The following CNTN6 variants were observed in gnomAD, a reference collection of about 807,000 sequenced individuals.
CNTN6 encodes the protein contactin-6.
Under a neutral mutation model 122.8 loss-of-function variants are expected in CNTN6, and 137 were observed. That is an observed-to-expected ratio of 1.12 (90% CI 0.97 to 1.29). CNTN6 has a LOEUF of 1.29. Among genes scored for constraint, CNTN6 ranks in the 50% most tolerant of loss-of-function variants. The probability of loss-of-function intolerance (pLI) is 0.00; values close to 1 mark genes in which losing one functional copy is unlikely to be tolerated. For missense variants in CNTN6, 1,634 were observed against 1,223.4 expected, an observed-to-expected ratio of 1.34 and a Z score of -5.01; for synonymous variants, 570 against 426.0, an observed-to-expected ratio of 1.34 and a Z score of -4.16.
chr3:1,276,676 A>G (rs570935067), intron 4 of CNTN6, among the ~76,000 whole-genome samples: 2 of 152,132 alleles, frequency 1.3e-5, no homozygotes, highest in African/African-American at 4.8e-5. Context: ...CCATCATTGC[A>G]TGGCTGTCTC....
chr3:1,328,239 A>C (rs918879247), intron 10 of CNTN6, among the ~76,000 whole-genome samples: 1 of 151,868 alleles, frequency 6.6e-6, no homozygotes, highest in Non-Finnish European at 1.5e-5. Flanking sequence ...GAGGTAGAAA[A>C]ATAAGTCCCT....
At chr3:1,093,335 G>A (rs781551581) in intron 1 of CNTN6, among the ~76,000 whole-genome samples, 4 of 152,150 alleles carry the variant, frequency 2.6e-5, no homozygotes, top group Non-Finnish European at 5.9e-5. Flanking sequence ...TATTGAATCT[G>A]TATTCCGGGA....
At chr3:1,233,375 T>C (rs2094377096) in intron 4 of CNTN6, among the ~76,000 whole-genome samples, 2 of 152,122 alleles carry the variant, frequency 1.3e-5, no homozygotes, top group South Asian at 4.1e-4. Context: ...GTTTTGTATT[T>C]TACTGCTTAT....
chr3:1,152,828 C>T (rs954204381), intron 2 of CNTN6, among the ~76,000 whole-genome samples: 13 of 152,138 alleles, frequency 8.5e-5, no homozygotes, highest in Admixed American at 2.0e-4. Context: ...ATTTTATCTG[C>T]GGACTATTAG....
chr3:1,098,761 C>CAA (rs1447803616), intron 1 of CNTN6, among the ~76,000 whole-genome samples: 2 of 54,394 alleles, frequency 3.7e-5, no homozygotes, highest in Non-Finnish European at 5.9e-5. Flanking sequence ...GTAATGCACA[C>CAA]ACACACACAC....
At position 1,348,157 on chromosome 3, in the gene CNTN6, C is replaced by CAAAAAAAAAAAAAAAAAAAAA. The variant is rs532282828; in HGVS notation, c.1365-4148_1365-4147insAAAAAAAAAAAAAAAAAAAAA. On this transcript the variant is annotated intron_variant, in intron 11 of 22. Coordinates refer to ENST00000446702, the MANE Select transcript of CNTN6 (RefSeq NM_001289080.2). ...AATATTAGTATTTCTATGCTATAGA[C>CAAAAAAAAAAAAAAAAAAAAA]AAAAAAAAAAAAAAAAAAAGGACTT... is the stretch of plus-strand genomic sequence containing the variant. 6.5e-4 allele frequency among the ~76,000 whole-genome samples: 42 copies of CAAAAAAAAAAAAAAAAAAAAA among 64,268 alleles called. 4 individuals are homozygous for CAAAAAAAAAAAAAAAAAAAAA. Among genetic ancestry groups the CAAAAAAAAAAAAAAAAAAAAA allele is most frequent in the African/African-American group, 1.1e-3 (16 of 14,588 alleles). 42.2% of individuals were successfully genotyped at this position (64,268 alleles called of 152,430 possible).
At chr3:1,373,071 A>T in intron 14 of CNTN6, 116 bp downstream of exon 14, 1 of 640,756 alleles carries the variant, frequency 1.6e-6, no homozygotes, top group East Asian at 2.8e-5. Flanking sequence ...ATGTAATCAG[A>T]TAGAGTTTTA....
chr3:1,383,664 C>T (rs150861921), intron 19 of CNTN6, among the ~76,000 whole-genome samples: 1 of 145,148 alleles, frequency 6.9e-6, no homozygotes. Flanking sequence ...AAAACAAAAA[C>T]AAAAAAAAAC....
At chr3:1,392,863 T>G (rs1471416924) in intron 20 of CNTN6, among the ~76,000 whole-genome samples, 1 of 131,982 alleles carries the variant, frequency 7.6e-6, no homozygotes, top group Non-Finnish European at 1.7e-5. Flanking sequence ...TGAGATACCA[T>G]CTCACACCAC....
chr3:1,163,674 C>T (rs1033626188), intron 2 of CNTN6, among the ~76,000 whole-genome samples: 3 of 152,186 alleles, frequency 2.0e-5, no homozygotes, highest in Admixed American at 1.3e-4. Flanking sequence ...ACCTCAGCTT[C>T]CCTAGTTGCT....
chr3:1,326,085 T>C (rs1040312895), intron 9 of CNTN6, 134 bp downstream of exon 9: 11 of 672,184 alleles, frequency 1.6e-5, no homozygotes, highest in Non-Finnish European at 2.6e-5. Flanking sequence ...ATGCATACAC[T>C]GATTTATTTA....
At chr3:1,183,887 G>T (rs138552624) in intron 2 of CNTN6, among the ~76,000 whole-genome samples, 1 of 152,120 alleles carries the variant, frequency 6.6e-6, no homozygotes, top group African/African-American at 2.4e-5. Context: ...GCGATGACTC[G>T]ACTAGGGAAG....
intron 4 of CNTN6, among the ~76,000 whole-genome samples, chr3:1,263,175 A>G (rs915019026): frequency 6.6e-6 from 1 of 151,164 alleles, no homozygotes; most frequent in African/African-American, 2.4e-5. Flanking sequence ...CACTGAGCAT[A>G]TTCAGAGAAA....
intron 12 of CNTN6, among the ~76,000 whole-genome samples, chr3:1,352,728 T>C (rs79995464): frequency 0.014 from 2,114 of 151,978 alleles, 56 homozygotes; most frequent in African/African-American, 0.048. Context: ...ACATAAGCCT[T>C]AATGTTAGGG....
chr3:1,317,781 T>C (rs1038090493), intron 7 of CNTN6, among the ~76,000 whole-genome samples: 5 of 151,368 alleles, frequency 3.3e-5, no homozygotes, highest in Admixed American at 2.0e-4. Context: ...AAGCCTCTTA[T>C]GGCAAGACCT....
At chr3:1,198,670 C>G (rs1366640210) in intron 2 of CNTN6, among the ~76,000 whole-genome samples, 2 of 150,848 alleles carry the variant, frequency 1.3e-5, no homozygotes, top group Non-Finnish European at 2.9e-5. Context: ...TGCAGTGAGC[C>G]AAGGTTGCAA....
Position 1,385,642 on chromosome 3 carries a change from C to T in CNTN6, c.2549C>T (p.Ser850Phe). The T allele has an allele frequency of 6.2e-7, 1 of 1,613,884 alleles. No homozygotes were observed. Among genetic ancestry groups the T allele is most frequent in the Non-Finnish European group, 8.5e-7 (1 of 1,179,832 alleles). Reference sequence around the variant, plus strand: ...TACTGGACAGATGACTCCAAAGAATCCATGATAGGTAAAATTAGAGTCAGT... The same window carrying T: ...TACTGGACAGATGACTCCAAAGAATTCATGATAGGTAAAATTAGAGTCAGT... The part of the protein sequence containing the change: ...VLYWTDDSKE[S>F]MIGKIRVSGN... The change falls in exon 20 of 23, where the codon TCC (serine) becomes TTC (phenylalanine). Residue 850 changes from serine (S) to phenylalanine (F), a missense_variant. By Grantham distance (155) the Ser-to-Phe change is radical. Coordinates refer to ENST00000446702, the MANE Select transcript of CNTN6 (RefSeq NM_001289080.2).
intron 4 of CNTN6, among the ~76,000 whole-genome samples, chr3:1,254,890 GTC>G (rs1309374679): frequency 6.6e-6 from 1 of 151,992 alleles, no homozygotes; most frequent in Non-Finnish European, 1.5e-5. Context: ...TTTATTTTTG[GTC>G]ACGAATTTTT....
chr3:1,224,740 A>G (rs187038964), intron 3 of CNTN6, among the ~76,000 whole-genome samples: 1 of 151,738 alleles, frequency 6.6e-6, no homozygotes, highest in East Asian at 1.9e-4. Flanking sequence ...GCCCACAACC[A>G]TTATTCTTTT....
Sources: allele counts gnomAD v4.1 joint callset (sites outside exome capture counted in the v4.1 genomes callset), GRCh38; gene constraint gnomAD v4.1.1; transcripts MANE v1.5; gene names NCBI Gene and HGNC (gene_info 2026-07-23, HGNC 2026-07-21).